Variants in CHD5 observed in about 807,000 individuals in gnomAD.
CHD5 encodes chromodomain helicase DNA binding protein 5, also known as ATP-dependent chromatin remodeler CHD5.
A neutral mutation model predicts 230.3 loss-of-function variants in CHD5; 69 were observed. The ratio of observed to expected loss-of-function variants is 0.30; its 90% CI spans 0.25 to 0.37. The LOEUF (loss-of-function observed/expected upper bound fraction) is 0.37, where lower values mean the gene tolerates loss of function less well. Ranked by LOEUF, CHD5 falls within the 10% of genes least tolerant of loss-of-function variation. The pLI is 1.00. For missense variants in CHD5, 1,827 were observed against 2,622.8 expected (o/e 0.70, Z 6.63); for synonymous variants, 1,064 against 1,065.9 (o/e 1.00, Z 0.03).
In CHD5 at chr1:6,179,986, C is replaced by T; in HGVS notation, c.38G>A (p.Arg13Gln). ...ATTCTCCATCTCCTCGGCGAACAGC[C>T]GCGGCAGCTCCTCCTCGGTGCCCAC... The part of the protein sequence containing the change: ...GPVGTEEELP[R>Q]LFAEEMENED... Residue 13 changes from arginine (R) to glutamine (Q), a missense_variant, in exon 1 of 42, where the codon CGG (arginine) becomes CAG (glutamine). Arg to Gln is a conservative substitution (Grantham distance 43). This residue lies in a region of CHD5 where 113 missense variants were observed against 91.9 expected (regional missense o/e 1.23). Transcript: ENST00000262450. The T allele has an allele frequency of 7.2e-7, 1 of 1,387,734 alleles. No individual in the cohort carries two copies. Among genetic ancestry groups the T allele is most frequent in the Non-Finnish European group, 9.4e-7 (1 of 1,058,830 alleles). The allele number at this position is 1,387,734 out of a possible 1,614,324, so 86.0% of individuals were successfully genotyped here.
In CHD5 at chr1:6,146,635, C is replaced by G; in HGVS notation, c.1590+30G>C. 6.2e-7 allele frequency: 1 copy of G among 1,610,248 alleles called. No homozygotes were observed. The highest frequency in any genetic ancestry group is 8.5e-7 in the Non-Finnish European group (1 of 1,176,806). On this transcript the variant is annotated intron_variant, in intron 10 of 41. Transcript: ENST00000262450. The surrounding 1 kb of genome is among the most constrained non-coding windows in gnomAD (Gnocchi z 5.1). ...GTCCAGGGCTCACCAGGTCCCGGGC[C>G]TTAGCACAGCCACCCTCCCGGGCAC...
chr1:6,127,427 A>G (rs1666576503), intron 25 of CHD5, among the ~76,000 whole-genome samples: 1 of 152,040 alleles, frequency 6.6e-6, no homozygotes, highest in Admixed American at 6.5e-5. Context: ...CGTTGGTTGC[A>G]GTGAGCTGAT....
rs764083910 is a variant in CHD5, at chr1:6,124,151, G to C, written c.4540-44C>G. 6 of 1,577,672 alleles carry C rather than the reference G, an allele frequency of 3.8e-6. No homozygotes were observed. The South Asian group carries it at 5.7e-5, about 15-fold the overall frequency. ...AGGTGGAAGGGAAAGAGGGAGGGCAGTGGTGGCAACTCAGCCCTAAGGGCC... is the reference window on the plus strand; with the variant it reads ...AGGTGGAAGGGAAAGAGGGAGGGCACTGGTGGCAACTCAGCCCTAAGGGCC... On this transcript the variant is annotated intron_variant, in intron 30 of 41. Transcript: ENST00000262450.
At chr1:6,116,314 C>A (rs376284625) in intron 33 of CHD5, among the ~76,000 whole-genome samples, 1 of 151,892 alleles carries the variant, frequency 6.6e-6, no homozygotes, top group Non-Finnish European at 1.5e-5. Flanking sequence ...AATAGGAATT[C>A]CAGAAGGACA....
intron 17 of CHD5, among the ~76,000 whole-genome samples, chr1:6,135,941 C>T (rs565846694): frequency 1.3e-5 from 2 of 151,920 alleles, no homozygotes; most frequent in African/African-American, 4.8e-5. Flanking sequence ...ACCCAGGAGG[C>T]GGAGGTTGCA....
At chr1:6,112,415 G>A (rs778211854) in intron 34 of CHD5, 138 bp from the exon 35 acceptor site, 5 of 1,102,670 alleles carry the variant, frequency 4.5e-6, no homozygotes, top group Non-Finnish European at 6.6e-6. Flanking sequence ...TGCCCAGAAG[G>A]GTCTTAAACA....
At chr1:6,158,306 C>A (rs1488450184) in intron 3 of CHD5, among the ~76,000 whole-genome samples, 1 of 152,206 alleles carries the variant, frequency 6.6e-6, no homozygotes. Flanking sequence ...AGCCGCTCTG[C>A]CCCACGTGCA....
chr1:6,179,475 C>A (rs1286287914), intron 1 of CHD5, among the ~76,000 whole-genome samples: 2 of 152,056 alleles, frequency 1.3e-5, no homozygotes, highest in African/African-American at 2.4e-5. Context: ...CCTCTCTGGG[C>A]CCCACCCAGC....
At chr1:6,179,001 G>A (rs1430204670) in intron 1 of CHD5, among the ~76,000 whole-genome samples, 2 of 152,250 alleles carry the variant, frequency 1.3e-5, no homozygotes, top group Non-Finnish European at 1.5e-5. Context: ...CTCCCAGAAA[G>A]GAGGGAGGGT....
chr1:6,123,707 G>A (rs1401891090), intron 31 of CHD5, among the ~76,000 whole-genome samples: 1 of 151,972 alleles, frequency 6.6e-6, no homozygotes, highest in Non-Finnish European at 1.5e-5. Context: ...TGATTAACAG[G>A]TGTGAGCCAC....
In CHD5 at chr1:6,130,054, C is replaced by T. The variant is rs1010664512; in HGVS notation, c.3387+150G>A. On this transcript the variant is annotated intron_variant, in intron 22 of 41. Transcript: ENST00000262450. This position sits in a 1 kb window ranked among gnomAD's most constrained non-coding sequence, Gnocchi z 4.9. ...AAGCTTCCACTCACTCCCAGAGCCC[C>T]TCTTGGGGCCGAGACTCCACGGGGG... 1.1e-6 allele frequency: 1 copy of T among 879,058 alleles called. No homozygotes were observed. Among genetic ancestry groups the T allele is most frequent in the Non-Finnish European group, 1.8e-6 (1 of 559,366 alleles). The allele number at this position is 879,058 out of a possible 1,614,324, so 54.5% of individuals were successfully genotyped here. A position where few individuals can be genotyped will look rare whatever the true frequency, so the allele number is the denominator to read the frequency against.
rs1421806714 is a variant in CHD5 at position 6,129,236 on chromosome 1, C to T, written c.3388-167G>A. Among the ~76,000 whole-genome samples the T allele has an allele frequency of 6.6e-6, 1 of 152,132 alleles. No individual in the cohort carries two copies. Among genetic ancestry groups the T allele is most frequent in the Non-Finnish European group, 1.5e-5 (1 of 67,996 alleles). On this transcript the variant is annotated intron_variant, in intron 22 of 41. Transcript: ENST00000262450. This position sits in a 1 kb window ranked among gnomAD's most constrained non-coding sequence, Gnocchi z 6.8. ...CCCACCACTGCAGCTGGGCTCCCTC[C>T]CTGACTGCGGAGCCTCCCACAAGCC...
At chr1:6,135,798 G>A (rs1030139781) in intron 17 of CHD5, among the ~76,000 whole-genome samples, 3 of 151,962 alleles carry the variant, frequency 2.0e-5, no homozygotes, top group Non-Finnish European at 2.9e-5. Flanking sequence ...ATCACCCGTC[G>A]GGAGTTCAAG....
At position 6,140,903 on chromosome 1, in the gene CHD5, G is replaced by A. The variant is rs577932623; in HGVS notation, c.2436+1225C>T. Among the ~76,000 whole-genome samples, 272 of 151,880 alleles carry A rather than the reference G, an allele frequency of 1.8e-3. 1 individual carries two copies. Among genetic ancestry groups the A allele is most frequent in the African/African-American group, 6.3e-3 (259 of 41,382 alleles). On this transcript the variant is annotated intron_variant, in intron 15 of 41. Coordinates refer to ENST00000262450, the MANE Select transcript of CHD5 (RefSeq NM_015557.3). ...TAGTCCCAGCTCCCGGGAGGTCAAGGCTGCAGTGAGCTATGATCAATCACT... is the reference window on the plus strand; with the variant it reads ...TAGTCCCAGCTCCCGGGAGGTCAAGACTGCAGTGAGCTATGATCAATCACT...
At chr1:6,112,489 C>T (rs1666307822) in intron 34 of CHD5, among the ~76,000 whole-genome samples, 1 of 152,200 alleles carries the variant, frequency 6.6e-6, no homozygotes, top group African/African-American at 2.4e-5. Context: ...GTGCTCCTCC[C>T]CGACCACATC....
rs1667131228 is a variant in CHD5, at chr1:6,159,368, C to T, written c.355G>A (p.Asp119Asn). Residue 119 changes from aspartate to asparagine, a missense_variant, in exon 3 of 42, where the codon GAT (aspartate) becomes AAT (asparagine). Asp to Asn is a conservative substitution (Grantham distance 23). Coordinates refer to ENST00000262450, the MANE Select transcript of CHD5 (RefSeq NM_015557.3). ...CATCCATCATCATTATCATCCTCAT[C>T]CTCATCCTTCTTTTTTCGCTTGGCT... is the stretch of plus-strand genomic sequence containing the variant. ...KKAKRKKKDEDEDDNDDGCLK... is the reference protein window; with the variant it reads ...KKAKRKKKDENEDDNDDGCLK... 4 of 1,551,378 alleles carry T rather than the reference C, an allele frequency of 2.6e-6. No homozygotes were observed. Among genetic ancestry groups the T allele is most frequent in the Non-Finnish European group, 3.5e-6 (4 of 1,146,652 alleles).
At position 6,149,093 on chromosome 1, in the gene CHD5, G is replaced by A; in HGVS notation, c.1162-18C>T. 1 of 1,491,310 alleles carries A rather than the reference G, an allele frequency of 6.7e-7. No homozygotes were observed. Among genetic ancestry groups the A allele is most frequent in the Non-Finnish European group, 9.0e-7 (1 of 1,116,900 alleles). The allele number at this position is 1,491,310 out of a possible 1,614,324, so 92.4% of individuals were successfully genotyped here. On this transcript the variant is annotated intron_variant, in intron 8 of 41. Coordinates refer to ENST00000262450, the MANE Select transcript of CHD5 (RefSeq NM_015557.3). ...TCCTTCTCCTGGGGGAGGAGGCCAG[G>A]TGGAGGCACCCTGGGCGGGGTCCCC... is the stretch of plus-strand genomic sequence containing the variant.
At chr1:6,159,588 C>T in intron 2 of CHD5, 73 bp from the exon 3 acceptor site, 1 of 1,315,768 alleles carries the variant, frequency 7.6e-7, no homozygotes, top group Non-Finnish European at 1.1e-6. Flanking sequence ...GCAGGACGGC[C>T]CTGAGAGCTA....
At chr1:6,111,946 T>A in intron 35 of CHD5, 63 bp from the exon 36 acceptor site, 1 of 1,501,518 alleles carries the variant, frequency 6.7e-7, no homozygotes, top group South Asian at 1.2e-5. Flanking sequence ...CAGGCAGGCT[T>A]GGAGAGCCGC....
Sources: allele counts gnomAD v4.1 joint callset (sites outside exome capture counted in the v4.1 genomes callset), GRCh38; gene constraint gnomAD v4.1.1; regional missense constraint gnomAD v4.1.1; non-coding constraint Gnocchi (gnomAD v3.1); transcripts MANE v1.5; gene names NCBI Gene and HGNC (gene_info 2026-07-23, HGNC 2026-07-21).